The following TXNRD1 variants were observed in gnomAD, a reference collection of about 807,000 sequenced individuals.
TXNRD1 encodes thioredoxin reductase 1, cytoplasmic.
Under a neutral mutation model 80.3 loss-of-function variants are expected in TXNRD1, and 57 were observed. The ratio of observed to expected loss-of-function variants is 0.71; its 90% CI spans 0.57 to 0.89. The LOEUF (loss-of-function observed/expected upper bound fraction) is 0.89. Among genes scored for constraint, TXNRD1 ranks in the 40% least tolerant of loss-of-function variants. The pLI is 0.00. For missense variants in TXNRD1, 730 were observed against 803.0 expected (o/e 0.91, Z 1.10); for synonymous variants, 291 against 285.2 (o/e 1.02, Z -0.20).
chr12:104,233,103 T>G (rs1337886231), intron 1 of TXNRD1, among the ~76,000 whole-genome samples: 2 of 152,224 alleles, frequency 1.3e-5, no homozygotes. Flanking sequence ...CTGGGCATTT[T>G]CAGACATGTC....
intron 3 of TXNRD1, among the ~76,000 whole-genome samples, chr12:104,258,737 G>A (rs2033304630): frequency 6.6e-6 from 1 of 152,082 alleles, no homozygotes; most frequent in African/African-American, 2.4e-5. Context: ...TCCAGCCTGG[G>A]CAAGAGTGAG....
intron 16 of TXNRD1, among the ~76,000 whole-genome samples, chr12:104,345,490 G>A (rs1391228664): frequency 2.0e-5 from 3 of 152,224 alleles, no homozygotes; most frequent in Non-Finnish European, 2.9e-5. Context: ...GCTGTAAGAG[G>A]AGAGGCTACT....
At chr12:104,326,868 C>G (rs1258851640) in intron 12 of TXNRD1, among the ~76,000 whole-genome samples, 3 of 151,646 alleles carry the variant, frequency 2.0e-5, no homozygotes, top group African/African-American at 7.3e-5. Context: ...CAGAGTCTCG[C>G]TCTGTCACCC....
chr12:104,323,491 C>G (rs1397210475), intron 10 of TXNRD1, among the ~76,000 whole-genome samples: 3 of 145,098 alleles, frequency 2.1e-5, no homozygotes, highest in African/African-American at 7.8e-5. Context: ...GGCAGAGGCG[C>G]CCCTCACCTC....
chr12:104,274,886 TC>T (rs1484896868), intron 3 of TXNRD1, among the ~76,000 whole-genome samples: 10 of 152,100 alleles, frequency 6.6e-5, no homozygotes, highest in African/African-American at 2.4e-4. Flanking sequence ...AGCCTGTACC[TC>T]TTGAGGTACT....
chr12:104,271,128 GGC>G (rs1470579909), intron 3 of TXNRD1, among the ~76,000 whole-genome samples: 2 of 151,924 alleles, frequency 1.3e-5, no homozygotes, highest in East Asian at 3.9e-4. Context: ...GGTGCAGGCA[GGC>G]TGAGTCAGAA....
intron 4 of TXNRD1, chr12:104,303,728 C>G: frequency 1.2e-6 from 1 of 832,056 alleles, no homozygotes. Flanking sequence ...CGGGCCGGGC[C>G]GCTAGTGCGC....
intron 1 of TXNRD1, among the ~76,000 whole-genome samples, chr12:104,223,437 T>C (rs1199077981): frequency 6.6e-6 from 1 of 152,098 alleles, no homozygotes; most frequent in Non-Finnish European, 1.5e-5. Context: ...TTTCACTCTT[T>C]TATGTATAGA....
intron 3 of TXNRD1, among the ~76,000 whole-genome samples, chr12:104,273,155 C>T (rs1593736462): frequency 6.6e-6 from 1 of 152,212 alleles, no homozygotes. Flanking sequence ...AACTTGAAGG[C>T]CTGCAACTGC....
chr12:104,252,690 A>ATATT (rs2033152006), intron 2 of TXNRD1, among the ~76,000 whole-genome samples: 5 of 39,658 alleles, frequency 1.3e-4, no homozygotes, highest in Non-Finnish European at 2.0e-4. Flanking sequence ...ATATATATAT[A>ATATT]TTTTTTTTTT....
In TXNRD1 at chr12:104,315,813, C is replaced by G; in HGVS notation, c.647C>G (p.Pro216Arg). The G allele has an allele frequency of 6.2e-7, 1 of 1,612,014 alleles. No individual in the cohort carries two copies. Among genetic ancestry groups the G allele is most frequent in the Non-Finnish European group, 8.5e-7 (1 of 1,178,664 alleles). The change falls in exon 7 of 17, where the codon CCT (proline) becomes CGT (arginine). Residue 216 changes from proline to arginine, a missense_variant. Transcript: ENST00000525566. ...GGTCVNVGCI[P>R]KKLMHQAALL... ...ACATGTGTGAATGTGGGTTGCATACCTAAAAAACTGATGCATCAAGCAGCT... is the reference window on the plus strand; with the variant it reads ...ACATGTGTGAATGTGGGTTGCATACGTAAAAAACTGATGCATCAAGCAGCT...
chr12:104,219,656 C>A (rs536587596), intron 1 of TXNRD1, among the ~76,000 whole-genome samples: 2 of 152,194 alleles, frequency 1.3e-5, no homozygotes, highest in Non-Finnish European at 2.9e-5. Context: ...AGCTTGCAAA[C>A]ATTTTTCCTG....
Position 104,290,696 on chromosome 12 carries a change from C to CA in TXNRD1, c.414+1671dup, listed in dbSNP as rs1317106811. ...CCTAGGTGACAGTGAGACCCTGTCT[C>CA]AAAAAAAAAAAAAAAGAAATATACA... On this transcript the variant is annotated intron_variant, in intron 4 of 16. Coordinates refer to ENST00000525566, the MANE Select transcript of TXNRD1 (RefSeq NM_001093771.3). Among the ~76,000 whole-genome samples the CA allele has an allele frequency of 8.0e-3, 247 of 30,966 alleles. 3 individuals carry two copies. Among genetic ancestry groups the CA allele is most frequent in the African/African-American group, 0.016 (150 of 9,184 alleles). The allele number at this position is 30,966 out of a possible 152,430, so 20.3% of individuals were successfully genotyped here. A position where few individuals can be genotyped will look rare whatever the true frequency, so the allele number is the denominator to read the frequency against.
chr12:104,254,727 C>T (rs946053834), intron 2 of TXNRD1, among the ~76,000 whole-genome samples: 1 of 136,532 alleles, frequency 7.3e-6, no homozygotes, highest in Non-Finnish European at 1.6e-5. Context: ...GAGAGGATCA[C>T]TTGAGCCCAG....
At chr12:104,239,138 C>A (rs965644397) in intron 1 of TXNRD1, among the ~76,000 whole-genome samples, 1 of 151,510 alleles carries the variant, frequency 6.6e-6, no homozygotes, top group Non-Finnish European at 1.5e-5. Context: ...CTGTGTTAGA[C>A]GTTTGGGAGA....
At chr12:104,304,303 G>A (rs2034787086) in intron 4 of TXNRD1, 2 of 1,613,920 alleles carry the variant, frequency 1.2e-6, no homozygotes, top group Non-Finnish European at 1.7e-6. Context: ...GTGACTTTCT[G>A]TTTCTGTTCG....
chr12:104,309,668 G>A, intron 4 of TXNRD1: 1 of 890,596 alleles, frequency 1.1e-6, no homozygotes, highest in Non-Finnish European at 1.6e-6. Context: ...CATGCTCTTT[G>A]AGACCCAGTA....
intron 4 of TXNRD1, chr12:104,290,877 G>A (rs1398812250): frequency 1.9e-6 from 1 of 524,720 alleles, no homozygotes; most frequent in East Asian, 3.3e-5. Context: ...GGTTTTAATG[G>A]CAATGGGAGT....
At chr12:104,306,428 T>C (rs575601659) in intron 4 of TXNRD1, among the ~76,000 whole-genome samples, 37 of 152,348 alleles carry the variant, frequency 2.4e-4, no homozygotes, top group African/African-American at 8.7e-4. Context: ...TTGATCCCTA[T>C]AGGAGCTTAA....
Sources: gnomAD v4.1 joint callset for allele counts (sites outside exome capture counted in the v4.1 genomes callset) on GRCh38, gnomAD v4.1.1 for gene constraint, MANE v1.5 for transcripts, NCBI Gene and HGNC (gene_info 2026-07-23, HGNC 2026-07-21) for gene names.